The following SLC4A10 variants were observed in gnomAD, a reference collection of about 807,000 sequenced individuals.
SLC4A10 encodes sodium-driven chloride bicarbonate exchanger.
SLC4A10 carries 42 observed loss-of-function variants against 137.7 expected under a neutral mutation model. The ratio of observed to expected loss-of-function variants is 0.30; its 90% CI spans 0.24 to 0.39. SLC4A10 has a LOEUF of 0.39. SLC4A10 is among the 10% of genes least tolerant of loss of function. SLC4A10 has a pLI of 1.00. For synonymous variants in SLC4A10, 474 were observed against 464.1 expected (o/e 1.02, Z -0.27); for missense variants, 925 against 1,355.0 (o/e 0.68, Z 4.98).
At chr2:161,917,145 C>A (rs2105465141) in intron 15 of SLC4A10, among the ~76,000 whole-genome samples, 1 of 152,280 alleles carries the variant, frequency 6.6e-6, no homozygotes, top group Non-Finnish European at 1.5e-5. Context: ...TGCCTGCCTT[C>A]TTTCACTTAC....
At chr2:161,810,700 A>T (rs147489834) in intron 3 of SLC4A10, among the ~76,000 whole-genome samples, 1 of 152,160 alleles carries the variant, frequency 6.6e-6, no homozygotes, top group East Asian at 1.9e-4. Flanking sequence ...CCAACCTTGC[A>T]TTCCAGGAAT....
chr2:161,938,183 A>T (rs1691932839), intron 15 of SLC4A10, among the ~76,000 whole-genome samples: 1 of 152,174 alleles, frequency 6.6e-6, no homozygotes, highest in Non-Finnish European at 1.5e-5. Context: ...AGGCACGAGA[A>T]TCGCTTGAAC....
intron 1 of SLC4A10, among the ~76,000 whole-genome samples, chr2:161,636,294 T>A (rs1413742038): frequency 1.3e-5 from 2 of 152,192 alleles, no homozygotes; most frequent in Non-Finnish European, 2.9e-5. Context: ...TCTGTAGGTT[T>A]ATCTATGTTG....
chr2:161,746,526 A>C (rs1268023393), intron 1 of SLC4A10, among the ~76,000 whole-genome samples: 1 of 151,728 alleles, frequency 6.6e-6, no homozygotes, highest in Non-Finnish European at 1.5e-5. Flanking sequence ...AATGTCCTCT[A>C]GGAGCTGATA....
chr2:161,822,923 C>A (rs569218292), intron 3 of SLC4A10, among the ~76,000 whole-genome samples: 2 of 151,828 alleles, frequency 1.3e-5, no homozygotes, highest in Non-Finnish European at 2.9e-5. Flanking sequence ...TGCAGTGAGC[C>A]AAGACAGTGC....
At chr2:161,702,325 C>A (rs796777551) in intron 1 of SLC4A10, among the ~76,000 whole-genome samples, 3 of 151,880 alleles carry the variant, frequency 2.0e-5, no homozygotes, top group South Asian at 4.1e-4. Context: ...CTAAGTTTAT[C>A]AAAAAATTTC....
At chr2:161,737,705 C>A (rs1383125184) in intron 1 of SLC4A10, among the ~76,000 whole-genome samples, 2 of 152,020 alleles carry the variant, frequency 1.3e-5, no homozygotes, top group Non-Finnish European at 2.9e-5. Context: ...TTTTCAATTT[C>A]TATAAGCATT....
At chr2:161,798,349 A>T (rs1461827380) in intron 2 of SLC4A10, among the ~76,000 whole-genome samples, 2 of 152,010 alleles carry the variant, frequency 1.3e-5, no homozygotes, top group Non-Finnish European at 2.9e-5. Flanking sequence ...AACAAAAGAC[A>T]TAGAGTTCTC....
intron 1 of SLC4A10, among the ~76,000 whole-genome samples, chr2:161,687,780 A>G (rs527958547): frequency 5.9e-5 from 9 of 152,266 alleles, no homozygotes; most frequent in East Asian, 1.9e-4. Context: ...ACGAGATCTC[A>G]TGATTTTACA....
At chr2:161,737,004 G>A (rs11903493) in intron 1 of SLC4A10, among the ~76,000 whole-genome samples, 5,168 of 151,884 alleles carry the variant, frequency 0.034, 112 homozygotes, top group African/African-American at 0.05. Context: ...GGAATTACAG[G>A]TATGCACGAC....
intron 5 of SLC4A10, among the ~76,000 whole-genome samples, chr2:161,862,343 A>T (rs543222830): frequency 5.9e-5 from 9 of 152,328 alleles, no homozygotes; most frequent in Non-Finnish European, 8.8e-5. Flanking sequence ...GCCTCTTTGC[A>T]TCAGATTTTC....
Position 161,985,202 on chromosome 2 carries a change from G to T in SLC4A10, c.*2050G>T, listed in dbSNP as rs1263571135. The T allele has an allele frequency of 6.6e-6, 1 of 152,002 alleles. No individual in the cohort carries two copies. The highest frequency in any genetic ancestry group is 1.9e-4 in the East Asian group (1 of 5,194). The allele number at this position is 152,002 out of a possible 1,614,324, so 9.4% of individuals were successfully genotyped here. On this transcript the variant is annotated 3_prime_UTR_variant, in exon 27 of 27. Transcript: ENST00000446997. ...AATGTGTAAATGTGACTAGGATATT[G>T]TGTTTTTCACAATTAAGAAATGTTA...
chr2:161,915,034 G>A (rs1686802231), intron 15 of SLC4A10, among the ~76,000 whole-genome samples: 1 of 151,960 alleles, frequency 6.6e-6, no homozygotes, highest in African/African-American at 2.4e-5. Flanking sequence ...CCAATCAAAT[G>A]TTGCCTTTTC....
intron 1 of SLC4A10, among the ~76,000 whole-genome samples, chr2:161,741,258 C>CA (rs11314115): frequency 2.2e-4 from 22 of 100,060 alleles, no homozygotes; most frequent in African/African-American, 6.8e-4. Context: ...GAAAGACTCT[C>CA]AAAAAAAAAA....
intron 21 of SLC4A10, among the ~76,000 whole-genome samples, chr2:161,962,851 C>CT (rs1040043448): frequency 4.9e-4 from 75 of 152,214 alleles, no homozygotes; most frequent in African/African-American, 1.6e-3. Context: ...TGTTTTGACT[C>CT]TAACATTTTG....
intron 11 of SLC4A10, among the ~76,000 whole-genome samples, chr2:161,900,601 A>G (rs1185931328): frequency 1.3e-5 from 2 of 152,118 alleles, no homozygotes; most frequent in Non-Finnish European, 2.9e-5. Flanking sequence ...TCTAGCATTC[A>G]TTACAATGAA....
At chr2:161,727,308 C>CA (rs534069474) in intron 1 of SLC4A10, among the ~76,000 whole-genome samples, 11 of 152,226 alleles carry the variant, frequency 7.2e-5, no homozygotes, top group African/African-American at 2.2e-4. Flanking sequence ...GTGTTCCCCC[C>CA]AAAAAACAAC....
chr2:161,740,719 T>C (rs1488019143), intron 1 of SLC4A10, among the ~76,000 whole-genome samples: 2 of 152,156 alleles, frequency 1.3e-5, no homozygotes, highest in East Asian at 1.9e-4. Context: ...GAAATCTTAC[T>C]CATTCCCTTT....
intron 1 of SLC4A10, among the ~76,000 whole-genome samples, chr2:161,739,790 G>A (rs756508033): frequency 6.6e-6 from 1 of 152,140 alleles, no homozygotes; most frequent in East Asian, 1.9e-4. Flanking sequence ...TACTTGGATT[G>A]AGCTCATCTC....
Sources: gnomAD v4.1 joint callset for allele counts (sites outside exome capture counted in the v4.1 genomes callset) on GRCh38, gnomAD v4.1.1 for gene constraint, MANE v1.5 for transcripts, NCBI Gene and HGNC (gene_info 2026-07-23, HGNC 2026-07-21) for gene names.